Variants in BMAL1 observed in about 807,000 individuals in gnomAD.
BMAL1 encodes basic helix-loop-helix ARNT like 1, also known as basic helix-loop-helix ARNT-like protein 1.
chr11:13,333,621 C>T, the BMAL1 span, among the ~76,000 whole-genome samples: 7 of 152,200 alleles, frequency 4.6e-5, no homozygotes, highest in African/African-American at 1.2e-4. Context: ...TCTAACCACC[C>T]GCCAGTGCAG....
chr11:13,376,895 A>T, the BMAL1 span: 1 of 609,804 alleles, frequency 1.6e-6, no homozygotes, highest in Non-Finnish European at 2.8e-6. Context: ...GGACACTGTC[A>T]TGTCACTTTC....
At chr11:13,376,763 C>T in the BMAL1 span, 19 of 1,595,030 alleles carry the variant, frequency 1.2e-5, no homozygotes, top group South Asian at 2.2e-5. Flanking sequence ...GGGGCTTGCC[C>T]GTGGGAAGGT....
the BMAL1 span, among the ~76,000 whole-genome samples, chr11:13,327,477 C>G: frequency 1.3e-5 from 2 of 152,118 alleles, no homozygotes; most frequent in African/African-American, 2.4e-5. Context: ...CCCAAACTTT[C>G]TAGCCCCTAA....
At chr11:13,335,496 T>C in the BMAL1 span, among the ~76,000 whole-genome samples, 2 of 152,080 alleles carry the variant, frequency 1.3e-5, no homozygotes, top group Admixed American at 1.3e-4. Flanking sequence ...CAGACGAGGC[T>C]TTTACTGGGG....
chr11:13,350,875 AGT>A, the BMAL1 span, among the ~76,000 whole-genome samples: 1 of 152,218 alleles, frequency 6.6e-6, no homozygotes, highest in Non-Finnish European at 1.5e-5. Context: ...GGGTGGGAAA[AGT>A]GTTTACAACA....
chr11:13,374,770 T>C, the BMAL1 span, among the ~76,000 whole-genome samples: 1 of 152,214 alleles, frequency 6.6e-6, no homozygotes, highest in African/African-American at 2.4e-5. Context: ...TCCATAGTTA[T>C]CCTATTTATC....
At chr11:13,327,010 C>T in the BMAL1 span, among the ~76,000 whole-genome samples, 5 of 151,812 alleles carry the variant, frequency 3.3e-5, no homozygotes, top group Non-Finnish European at 7.4e-5. Context: ...TTAGTAGAGA[C>T]GGGGTTTCAC....
the BMAL1 span, among the ~76,000 whole-genome samples, chr11:13,359,911 G>A: frequency 5.3e-5 from 8 of 152,164 alleles, no homozygotes; most frequent in Non-Finnish European, 1.0e-4. Flanking sequence ...TCAGGGCCTG[G>A]AAGACTGAAT....
At chr11:13,381,478 GAGAA>G in the BMAL1 span, among the ~76,000 whole-genome samples, 1 of 152,202 alleles carries the variant, frequency 6.6e-6, no homozygotes, top group Admixed American at 6.5e-5. Flanking sequence ...TGGAAGAAGG[GAGAA>G]AGAATAAGGA....
the BMAL1 span, among the ~76,000 whole-genome samples, chr11:13,339,399 C>G: frequency 6.6e-6 from 1 of 150,552 alleles, no homozygotes; most frequent in South Asian, 2.1e-4. Context: ...CTGTTGTAGC[C>G]GTCTCCTAAC....
At chr11:13,380,942 C>G in the BMAL1 span, 1 of 521,310 alleles carries the variant, frequency 1.9e-6, no homozygotes, top group South Asian at 2.6e-5. Flanking sequence ...CACAGCCACA[C>G]CGATTCGTAT....
chr11:13,356,878 G>A, the BMAL1 span: 1 of 1,601,502 alleles, frequency 6.2e-7, no homozygotes. Flanking sequence ...GTCCTCAACT[G>A]GAGATGAGCA....
chr11:13,381,265 T>C, the BMAL1 span: 3 of 1,613,272 alleles, frequency 1.9e-6, no homozygotes, highest in East Asian at 2.2e-5. Flanking sequence ...GTAAGACTGA[T>C]GATTCTTAGC....
At chr11:13,365,790 CTCTGA>C in the BMAL1 span, among the ~76,000 whole-genome samples, 4 of 152,226 alleles carry the variant, frequency 2.6e-5, no homozygotes, top group East Asian at 7.7e-4. Context: ...AAAGATCTGA[CTCTGA>C]TCTGATCGAT....
chr11:13,383,949 C>T, the BMAL1 span, among the ~76,000 whole-genome samples: 1 of 152,140 alleles, frequency 6.6e-6, no homozygotes, highest in African/African-American at 2.4e-5. Context: ...TTTTAATGCT[C>T]TGTGACAAAA....
the BMAL1 span, among the ~76,000 whole-genome samples, chr11:13,386,014 T>TACC: frequency 6.6e-6 from 1 of 152,244 alleles, no homozygotes; most frequent in Non-Finnish European, 1.5e-5. Context: ...AGGCTACAGC[T>TACC]ACCTAGACAT....
At chr11:13,368,192 G>A in the BMAL1 span, among the ~76,000 whole-genome samples, 11 of 152,194 alleles carry the variant, frequency 7.2e-5, no homozygotes, top group Non-Finnish European at 7.3e-5. Context: ...GAGACAGACA[G>A]CACCCTGCAT....
At chr11:13,304,343 GT>G in the BMAL1 span, among the ~76,000 whole-genome samples, 1 of 152,200 alleles carries the variant, frequency 6.6e-6, no homozygotes, top group East Asian at 1.9e-4. Flanking sequence ...AACTTTTGCT[GT>G]GGGATTGGTA....
chr11:13,281,000 C>G, the BMAL1 span, among the ~76,000 whole-genome samples: 4 of 152,170 alleles, frequency 2.6e-5, no homozygotes, highest in African/African-American at 7.2e-5. Context: ...CTCCTCTGAC[C>G]TCAGGTTTCT....
Sources: allele counts gnomAD v4.1 joint callset (sites outside exome capture counted in the v4.1 genomes callset), GRCh38; gene constraint gnomAD v4.1.1; transcripts MANE v1.5; gene names NCBI Gene and HGNC (gene_info 2026-07-23, HGNC 2026-07-21).